The following ABCA4 variants were observed in gnomAD, a reference collection of about 807,000 sequenced individuals.
ABCA4 encodes the protein retinal-specific phospholipid-transporting ATPase ABCA4.
A neutral mutation model predicts 263.7 loss-of-function variants in ABCA4; 196 were observed. That is an observed-to-expected ratio of 0.74 (90% confidence interval 0.66 to 0.84). The LOEUF (loss-of-function observed/expected upper bound fraction) is 0.84, where lower values mean the gene tolerates loss of function less well. Ranked by LOEUF, ABCA4 falls within the 40% of genes least tolerant of loss-of-function variation. The pLI is 0.00. For synonymous variants in ABCA4, 1,133 were observed against 1,094.2 expected (o/e 1.04, Z -0.70); for missense variants, 2,792 against 2,855.1 (o/e 0.98, Z 0.50).
intron 6 of ABCA4, among the ~76,000 whole-genome samples, chr1:94,087,507 T>C (rs894023568): frequency 2.0e-5 from 3 of 152,198 alleles, no homozygotes; most frequent in African/African-American, 7.2e-5. Context: ...AATGGTCTTT[T>C]GAAGTAGGCC....
intron 44 of ABCA4, among the ~76,000 whole-genome samples, chr1:94,003,830 G>T (rs1213232729): frequency 6.6e-6 from 1 of 151,964 alleles, no homozygotes; most frequent in South Asian, 2.1e-4. Flanking sequence ...TAGAGACAGG[G>T]TCTCCCTATG....
intron 2 of ABCA4, 23 bp downstream of exon 2, chr1:94,112,950 C>A: frequency 1.2e-6 from 2 of 1,600,156 alleles, no homozygotes; most frequent in South Asian, 2.2e-5. Flanking sequence ...CAGGGCTTGC[C>A]CAAGCTACCC....
intron 16 of ABCA4, among the ~76,000 whole-genome samples, chr1:94,052,445 T>A (rs1336256731): frequency 6.6e-6 from 1 of 152,206 alleles, no homozygotes; most frequent in Admixed American, 6.5e-5. Flanking sequence ...GACTGTCTAT[T>A]CCTCGGGGCA....
chr1:94,015,199 T>C (rs1659694156), intron 37 of ABCA4, among the ~76,000 whole-genome samples: 1 of 152,210 alleles, frequency 6.6e-6, no homozygotes, highest in Non-Finnish European at 1.5e-5. Context: ...ATGAGGAAAC[T>C]GAGGCCGAGA....
intron 6 of ABCA4, among the ~76,000 whole-genome samples, chr1:94,092,264 T>A (rs1661988187): frequency 6.6e-6 from 1 of 152,156 alleles, no homozygotes; most frequent in Non-Finnish European, 1.5e-5. Context: ...CTTGAAGGCA[T>A]GCAGACCAGA....
At chr1:94,118,903 A>G (rs4147799) in intron 1 of ABCA4, among the ~76,000 whole-genome samples, 5,765 of 152,324 alleles carry the variant, frequency 0.038, 201 homozygotes, top group East Asian at 0.15. Context: ...GGCTCATTTT[A>G]GGCCAGCAGC....
At chr1:94,093,032 G>C (rs1662008712) in intron 6 of ABCA4, among the ~76,000 whole-genome samples, 1 of 152,098 alleles carries the variant, frequency 6.6e-6, no homozygotes, top group African/African-American at 2.4e-5. Context: ...AGCCAACATA[G>C]AGCCAGGGCC....
chr1:94,079,483 A>G lies in ABCA4; in HGVS notation c.1100-22T>C, dbSNP rs368747791. 8.1e-6 allele frequency: 13 copies of G among 1,614,186 alleles called. No homozygotes were observed. The African/African-American group carries it at 1.6e-4, about 20-fold the overall frequency. On this transcript the variant is annotated intron_variant, in intron 8 of 49. Coordinates refer to ENST00000370225, the MANE Select transcript of ABCA4 (RefSeq NM_000350.3). The stretch of plus-strand genomic sequence containing the variant: ...GATGCTGCCAGGAGACAAGGGACAG[A>G]TTTTACAGAAACTCCCCATTGCTTG...
At chr1:94,111,967 A>G (rs1662618549) in intron 2 of ABCA4, among the ~76,000 whole-genome samples, 1 of 152,210 alleles carries the variant, frequency 6.6e-6, no homozygotes, top group Non-Finnish European at 1.5e-5. Flanking sequence ...TGAACTGAGC[A>G]CCTACCCCAA....
chr1:94,008,846 T>A lies in ABCA4; in HGVS notation c.5740A>T (p.Ile1914Phe), dbSNP rs1659471121. 6.2e-7 allele frequency: 1 copy of A among 1,613,402 alleles called. No homozygotes were observed. ...QWIAEPTKEPIVDEDDDVAEE... is the reference protein window; with the variant it reads ...QWIAEPTKEPFVDEDDDVAEE... ...GCCACATCATCATCTTCATCAACAA[T>A]GGGCTCCTTAGTGGGCTCGGCAATC... The change falls in exon 41 of 50, where the codon ATT becomes TTT. Residue 1914 changes from isoleucine to phenylalanine, a missense_variant. By Grantham distance (21) the Ile-to-Phe change is conservative (BLOSUM62 0). Coordinates refer to ENST00000370225, the MANE Select transcript of ABCA4 (RefSeq NM_000350.3).
intron 1 of ABCA4, among the ~76,000 whole-genome samples, chr1:94,114,777 G>A (rs915070432): frequency 6.6e-6 from 1 of 152,190 alleles, no homozygotes; most frequent in Admixed American, 6.5e-5. Context: ...GTGAGCCACC[G>A]CGCCTGGCCC....
At chr1:94,071,133 T>C (rs1362139108) in intron 11 of ABCA4, among the ~76,000 whole-genome samples, 4 of 152,228 alleles carry the variant, frequency 2.6e-5, no homozygotes, top group South Asian at 2.1e-4. Flanking sequence ...CTCTGTCAGA[T>C]TGAATTATGT....
rs138044729 is a variant in ABCA4, at chr1:94,078,679, G to T, written c.1267C>A (p.His423Asn). 2 of 1,612,020 alleles carry T rather than the reference G, an allele frequency of 1.2e-6. No individual in the cohort carries two copies. The highest frequency in any genetic ancestry group is 2.7e-5 in the African/African-American group (2 of 74,610). The change falls in exon 10 of 50, where the codon CAC becomes AAC. Residue 423 changes from histidine to asparagine, a missense_variant. Physicochemically the swap from His to Asn is moderately conservative, Grantham distance 68. Coordinates refer to ENST00000370225, the MANE Select transcript of ABCA4 (RefSeq NM_000350.3). The part of the protein sequence containing the change: ...NANSTFEELE[H>N]VRKLVKAWEE... The stretch of plus-strand genomic sequence containing the variant: ...CAGGCTTTGACCAACTTCCTAACGT[G>T]TTCCAGTTCTTCAAAAGTTGAGTTG...
chr1:94,014,196 A>T (rs200072777), intron 38 of ABCA4, among the ~76,000 whole-genome samples: 3 of 126,256 alleles, frequency 2.4e-5, no homozygotes, highest in East Asian at 2.5e-4. Flanking sequence ...GAAGGAAGAA[A>T]GAAGGAAGGA....
chr1:94,014,839 T>C, intron 37 of ABCA4, 149 bp from the exon 38 acceptor site: 2 of 1,019,592 alleles, frequency 2.0e-6, no homozygotes, highest in East Asian at 2.5e-5. Flanking sequence ...CTCCATTTGT[T>C]GGTCTCTGTG....
At chr1:94,015,668 A>G in intron 37 of ABCA4, 71 bp downstream of exon 37, 1 of 1,298,824 alleles carries the variant, frequency 7.7e-7, no homozygotes, top group Non-Finnish European at 1.1e-6. Flanking sequence ...GTTTTCTGTC[A>G]GGAGATGATC....
Position 94,007,676 on chromosome 1 carries a change from T to A in ABCA4, c.5963A>T (p.Asp1988Val). The A allele has an allele frequency of 6.2e-7, 1 of 1,614,014 alleles. No homozygotes were observed. The highest frequency in any genetic ancestry group is 8.5e-7 in the Non-Finnish European group (1 of 1,179,970). Residue 1988 changes from aspartate to valine, a missense_variant, in exon 43 of 50, where the codon GAC becomes GTC. Physicochemically the swap from Asp to Val is radical, Grantham distance 152 (BLOSUM62 -3). Transcript: ENST00000370225. Reference sequence around the variant, plus strand: ...GGCATCCCCTGAGGTCACTGTGGTGTCCCCAGTGAGCATCTTGAATGTGGT... The same window carrying A: ...GGCATCCCCTGAGGTCACTGTGGTGACCCCAGTGAGCATCTTGAATGTGGT... ...KTTTFKMLTG[D>V]TTVTSGDATV...
intron 6 of ABCA4, among the ~76,000 whole-genome samples, chr1:94,093,137 G>A (rs1662022007): frequency 6.6e-6 from 1 of 152,152 alleles, no homozygotes; most frequent in Non-Finnish European, 1.5e-5. Flanking sequence ...GGGGCAGGGA[G>A]GATGCTGAAG....
intron 6 of ABCA4, among the ~76,000 whole-genome samples, chr1:94,088,400 A>C (rs1557799030): frequency 6.6e-6 from 1 of 152,162 alleles, no homozygotes; most frequent in Middle Eastern, 3.4e-3. Context: ...CATTTCCTTT[A>C]TCATTTAATC....
Sources: gnomAD v4.1 joint callset for allele counts (sites outside exome capture counted in the v4.1 genomes callset) on GRCh38, gnomAD v4.1.1 for gene constraint, MANE v1.5 for transcripts, NCBI Gene and HGNC (gene_info 2026-07-23, HGNC 2026-07-21) for gene names.